Variants in ATP13A4 observed in about 807,000 individuals in gnomAD.
ATP13A4 encodes ATPase 13A4, also known as probable cation-transporting ATPase 13A4.
A neutral mutation model predicts 142.5 loss-of-function variants in ATP13A4; 114 were observed. The observed-to-expected ratio is 0.80, with a 90% CI of 0.69 to 0.93. ATP13A4 has a LOEUF of 0.93. Ranked by LOEUF, ATP13A4 falls within the 40% of genes least tolerant of loss-of-function variation. The pLI is 0.00. For missense variants in ATP13A4, 1,392 were observed against 1,454.0 expected, an observed-to-expected ratio of 0.96 and a Z score of 0.69; for synonymous variants, 488 against 514.8, an observed-to-expected ratio of 0.95 and a Z score of 0.70.
chr3:193,515,612 C>T (rs566445412), intron 1 of ATP13A4, among the ~76,000 whole-genome samples: 2 of 152,218 alleles, frequency 1.3e-5, no homozygotes, highest in Admixed American at 6.5e-5. Context: ...AGCACCAATG[C>T]GTCATGAGAG....
chr3:193,412,348 C>T lies in ATP13A4; in HGVS notation c.3038G>A (p.Ser1013Asn), dbSNP rs1714813320. ...IHSACTVQNE[S>N]ISELTMSPTA... ...TGGAGACATGGTTAACTCTGAGATG[C>T]TTTCATTTTGTACTGTGCAGGCACT... The change falls in exon 27 of 30, where the codon AGC (serine) becomes AAC (asparagine). Residue 1013 changes from serine (S) to asparagine (N), a missense_variant. Ser to Asn is a conservative substitution (Grantham distance 46). Coordinates refer to ENST00000342695, the MANE Select transcript of ATP13A4 (RefSeq NM_032279.4). 6.2e-7 allele frequency: 1 copy of T among 1,614,088 alleles called. No homozygotes were observed. Among genetic ancestry groups the T allele is most frequent in the East Asian group, 2.2e-5 (1 of 44,878 alleles).
intron 8 of ATP13A4, among the ~76,000 whole-genome samples, chr3:193,482,666 A>G (rs1719361838): frequency 6.6e-6 from 1 of 152,248 alleles, no homozygotes; most frequent in African/African-American, 2.4e-5. Context: ...CAATGCCATT[A>G]GTCATTAGGG....
intron 18 of ATP13A4, among the ~76,000 whole-genome samples, chr3:193,445,618 G>A (rs759010545): frequency 1.2e-4 from 18 of 151,836 alleles, no homozygotes; most frequent in Non-Finnish European, 1.5e-4. Flanking sequence ...TTAGCTGGGC[G>A]TGGTGGTGCA....
At chr3:193,478,783 C>A (rs1420266412) in intron 8 of ATP13A4, among the ~76,000 whole-genome samples, 1 of 151,942 alleles carries the variant, frequency 6.6e-6, no homozygotes, top group African/African-American at 2.4e-5. Context: ...CCAGTATCAC[C>A]CTAATACCAA....
At chr3:193,570,665 A>G (rs1724241431) in intron 2 of ATP13A4, among the ~76,000 whole-genome samples, 1 of 152,160 alleles carries the variant, frequency 6.6e-6, no homozygotes, top group South Asian at 2.1e-4. Context: ...CTCTTAGCAT[A>G]TCCTATTCTT....
intron 1 of ATP13A4, among the ~76,000 whole-genome samples, chr3:193,552,631 T>C (rs912483430): frequency 1.3e-5 from 2 of 152,184 alleles, no homozygotes; most frequent in African/African-American, 4.8e-5. Context: ...CTTTGTTTTA[T>C]GAAGGAAGGG....
At chr3:193,518,422 G>C (rs904826094) in intron 1 of ATP13A4, among the ~76,000 whole-genome samples, 2 of 152,158 alleles carry the variant, frequency 1.3e-5, no homozygotes, top group African/African-American at 4.8e-5. Context: ...TTATTTGGGG[G>C]ATATATCTAG....
At chr3:193,481,454 GTT>G (rs1390478108) in intron 8 of ATP13A4, among the ~76,000 whole-genome samples, 3 of 152,104 alleles carry the variant, frequency 2.0e-5, no homozygotes, top group Non-Finnish European at 4.4e-5. Context: ...ACACTTACCA[GTT>G]TCAGTAATTG....
chr3:193,426,392 T>C (rs939260905), intron 25 of ATP13A4, among the ~76,000 whole-genome samples: 1 of 151,890 alleles, frequency 6.6e-6, no homozygotes, highest in Admixed American at 6.6e-5. Context: ...TAAAATCTCA[T>C]ATTAATGGAT....
chr3:193,508,278 A>T (rs1720960631), intron 2 of ATP13A4, among the ~76,000 whole-genome samples: 2 of 152,218 alleles, frequency 1.3e-5, no homozygotes. Flanking sequence ...CTAGCAGGCA[A>T]ATACACTGCC....
chr3:193,477,902 C>T (rs1190327784), intron 8 of ATP13A4, among the ~76,000 whole-genome samples: 5 of 151,914 alleles, frequency 3.3e-5, no homozygotes, highest in Non-Finnish European at 7.4e-5. Context: ...AAATGAACAA[C>T]TGAACATTTA....
In ATP13A4 at chr3:193,491,567, GGGTT is replaced by G. The variant is rs1183362957; in HGVS notation, c.534-173_534-170del. 2.0e-3 allele frequency among the ~76,000 whole-genome samples: 309 copies of G among 152,220 alleles called. 2 individuals carry two copies. The highest frequency in any genetic ancestry group is 7.2e-3 in the African/African-American group (298 of 41,542). ...TCCTTCTCAAAATAATGGGAGGTGA[GGGTT>G]CCCAGTTGCAAAAACGATAAATATG... is the stretch of plus-strand genomic sequence containing the variant. On this transcript the variant is annotated intron_variant, in intron 5 of 29. Coordinates refer to ENST00000342695, the MANE Select transcript of ATP13A4 (RefSeq NM_032279.4).
chr3:193,449,714 T>C (rs1379624957), intron 17 of ATP13A4, among the ~76,000 whole-genome samples: 1 of 152,166 alleles, frequency 6.6e-6, no homozygotes, highest in African/African-American at 2.4e-5. Flanking sequence ...CTGTAAGACA[T>C]TTGTCCTTAC....
At chr3:193,441,415 G>A in intron 20 of ATP13A4, 51 bp downstream of exon 20, 1 of 1,605,332 alleles carries the variant, frequency 6.2e-7, no homozygotes, top group Non-Finnish European at 8.5e-7. Context: ...TGTTCTGTAA[G>A]TGACATCATC....
At chr3:193,508,608 T>C (rs1720977891) in intron 2 of ATP13A4, among the ~76,000 whole-genome samples, 2 of 152,210 alleles carry the variant, frequency 1.3e-5, no homozygotes, top group Admixed American at 1.3e-4. Context: ...TCAAAACGAT[T>C]TATCTTAACA....
intron 5 of ATP13A4, among the ~76,000 whole-genome samples, chr3:193,492,569 T>C (rs111538062): frequency 6.6e-6 from 1 of 152,180 alleles, no homozygotes; most frequent in African/African-American, 2.4e-5. Flanking sequence ...TGAGAAACTT[T>C]GTATGGAGTA....
At chr3:193,574,434 C>T (rs1211510044) in intron 2 of ATP13A4, among the ~76,000 whole-genome samples, 2 of 152,196 alleles carry the variant, frequency 1.3e-5, no homozygotes, top group Non-Finnish European at 2.9e-5. Flanking sequence ...AAACCTAGAT[C>T]TCAGCCAGGC....
chr3:193,562,453 G>A lies in ATP13A4; in HGVS notation n.291+19254C>T, dbSNP rs58989581. ...AATGGGAAATATCTGTGTGTGCGATGTAATATATAGGTGGATATTTAAACA... is the reference window on the plus strand; with the variant it reads ...AATGGGAAATATCTGTGTGTGCGATATAATATATAGGTGGATATTTAAACA... On this transcript the variant is annotated intron_variant and non_coding_transcript_variant, in intron 2 of 3. Transcript: ENST00000489140. 5.5e-3 allele frequency among the ~76,000 whole-genome samples: 845 copies of A among 152,294 alleles called. 11 individuals are homozygous for A. The highest frequency in any genetic ancestry group is 0.019 in the African/African-American group (791 of 41,542).
intron 2 of ATP13A4, among the ~76,000 whole-genome samples, chr3:193,566,527 A>C (rs1369169584): frequency 6.6e-6 from 1 of 152,170 alleles, no homozygotes; most frequent in Non-Finnish European, 1.5e-5. Flanking sequence ...TAGGCATCAC[A>C]AGAGCCTGGC....
Sources: allele counts gnomAD v4.1 joint callset (sites outside exome capture counted in the v4.1 genomes callset), GRCh38; gene constraint gnomAD v4.1.1; transcripts MANE v1.5; gene names NCBI Gene and HGNC (gene_info 2026-07-23, HGNC 2026-07-21).